DPP6: variants seen among roughly 807,000 people sequenced by gnomAD.
The protein encoded by DPP6 is dipeptidyl peptidase like 6.
A neutral mutation model predicts 122.6 loss-of-function variants in DPP6; 69 were observed. The observed-to-expected ratio is 0.56, with a 90% CI of 0.46 to 0.69. DPP6 has a LOEUF of 0.69. DPP6 is among the 30% of genes least tolerant of loss of function. The pLI is 0.00. For synonymous variants in DPP6, 418 were observed against 433.1 expected (o/e 0.97, Z 0.43); for missense variants, 928 against 1,116.9 (o/e 0.83, Z 2.41).
intron 1 of DPP6, among the ~76,000 whole-genome samples, chr7:154,016,605 T>A (rs1033076511): frequency 1.3e-5 from 2 of 151,990 alleles, no homozygotes; most frequent in Non-Finnish European, 2.9e-5. Flanking sequence ...TCTACAAAGG[T>A]TTTTGGAAAA....
chr7:154,731,815 G>A (rs1483615652), intron 8 of DPP6, among the ~76,000 whole-genome samples: 1 of 152,184 alleles, frequency 6.6e-6, no homozygotes, highest in Non-Finnish European at 1.5e-5. Flanking sequence ...AACGTAAGAT[G>A]TTACTGAAGA....
At chr7:154,771,495 T>C (rs541373686) in intron 9 of DPP6, among the ~76,000 whole-genome samples, 1 of 152,318 alleles carries the variant, frequency 6.6e-6, no homozygotes, top group South Asian at 2.1e-4. Context: ...CCTCATGACC[T>C]TGTCTAACCT....
At chr7:154,768,347 C>T (rs1796036462) in intron 8 of DPP6, among the ~76,000 whole-genome samples, 1 of 152,196 alleles carries the variant, frequency 6.6e-6, no homozygotes, top group Admixed American at 6.5e-5. Context: ...TTGATGCCCT[C>T]GTTTTGTTTT....
At chr7:153,748,181 G>A in the DPP6 span, among the ~76,000 whole-genome samples, 2 of 152,280 alleles carry the variant, frequency 1.3e-5, no homozygotes, top group African/African-American at 2.4e-5. Context: ...GTGCTAACGA[G>A]CCCGGGTGCC....
intron 1 of DPP6, among the ~76,000 whole-genome samples, chr7:153,985,588 T>G (rs577526947): frequency 6.6e-6 from 1 of 152,316 alleles, no homozygotes; most frequent in African/African-American, 2.4e-5. Context: ...AGAGTTGGGG[T>G]TTGTCATATT....
chr7:154,449,427 T>C (rs1419642182), intron 2 of DPP6, among the ~76,000 whole-genome samples: 1 of 151,932 alleles, frequency 6.6e-6, no homozygotes, highest in African/African-American at 2.4e-5. Context: ...AAACAAAAAA[T>C]GGAAAATAGT....
chr7:154,426,690 G>A (rs191693513), intron 1 of DPP6, among the ~76,000 whole-genome samples: 73 of 151,938 alleles, frequency 4.8e-4, no homozygotes, highest in African/African-American at 1.6e-3. Context: ...TAGAATTAAG[G>A]ACTTGCTGCT....
chr7:153,807,357 C>A, the DPP6 span, among the ~76,000 whole-genome samples: 1 of 151,206 alleles, frequency 6.6e-6, no homozygotes, highest in Admixed American at 6.6e-5. Context: ...GAGCCGAGAT[C>A]GTGCCACAGC....
intron 3 of DPP6, among the ~76,000 whole-genome samples, chr7:154,484,627 T>C (rs1823628753): frequency 6.6e-6 from 1 of 152,190 alleles, no homozygotes; most frequent in African/African-American, 2.4e-5. Context: ...CCCCGCCCCC[T>C]GCAGCATGTT....
intron 3 of DPP6, among the ~76,000 whole-genome samples, chr7:154,525,955 C>G (rs1827376568): frequency 6.6e-6 from 1 of 152,048 alleles, no homozygotes; most frequent in Non-Finnish European, 1.5e-5. Context: ...CTCATAATCC[C>G]AAAGAAAAGG....
At chr7:154,017,662 T>C (rs1301128406) in intron 1 of DPP6, among the ~76,000 whole-genome samples, 2 of 147,058 alleles carry the variant, frequency 1.4e-5, no homozygotes, top group South Asian at 2.1e-4. Context: ...ATGGCACCAC[T>C]GCACTCCAGC....
intron 1 of DPP6, among the ~76,000 whole-genome samples, chr7:153,962,482 T>C (rs1795402576): frequency 1.3e-5 from 2 of 152,146 alleles, no homozygotes; most frequent in African/African-American, 4.8e-5. Context: ...CAATCTAAGA[T>C]CATATGGTCA....
At chr7:154,788,300 C>T (rs527634056) in intron 10 of DPP6, among the ~76,000 whole-genome samples, 10 of 152,034 alleles carry the variant, frequency 6.6e-5, no homozygotes, top group South Asian at 4.2e-4. Context: ...AAAAATAAGC[C>T]GGGCGTGGTG....
chr7:154,246,192 C>T (rs1801972364), intron 1 of DPP6, among the ~76,000 whole-genome samples: 1 of 152,030 alleles, frequency 6.6e-6, no homozygotes, highest in South Asian at 2.1e-4. Flanking sequence ...ATATTTTAAG[C>T]TAAACTGTAA....
intron 1 of DPP6, among the ~76,000 whole-genome samples, chr7:154,428,549 T>C (rs1331095542): frequency 6.6e-6 from 1 of 152,108 alleles, no homozygotes; most frequent in Non-Finnish European, 1.5e-5. Flanking sequence ...CCTGCACGCA[T>C]AGGCTTACTG....
the DPP6 span, among the ~76,000 whole-genome samples, chr7:153,823,052 T>C: frequency 6.6e-6 from 1 of 152,034 alleles, no homozygotes; most frequent in Admixed American, 6.6e-5. Flanking sequence ...CCTCGTGCAT[T>C]GCTGCTGAAT....
intron 1 of DPP6, among the ~76,000 whole-genome samples, chr7:154,399,734 C>T (rs953861554): frequency 3.3e-5 from 5 of 151,956 alleles, no homozygotes; most frequent in Non-Finnish European, 5.9e-5. Flanking sequence ...CATGGGAGAA[C>T]GCAGGGGTGG....
chr7:154,485,792 G>A (rs1333991854), intron 3 of DPP6, among the ~76,000 whole-genome samples: 2 of 152,034 alleles, frequency 1.3e-5, no homozygotes, highest in Non-Finnish European at 2.9e-5. Context: ...CATGGAGGCA[G>A]GAATTTTTTT....
At chr7:154,252,439 A>G (rs1802411679) in intron 1 of DPP6, among the ~76,000 whole-genome samples, 1 of 152,232 alleles carries the variant, frequency 6.6e-6, no homozygotes, top group Non-Finnish European at 1.5e-5. Context: ...CACAAAGCAG[A>G]CTGACCCTTA....
Sources: allele counts gnomAD v4.1 joint callset (sites outside exome capture counted in the v4.1 genomes callset), GRCh38; gene constraint gnomAD v4.1.1; transcripts MANE v1.5; gene names NCBI Gene and HGNC (gene_info 2026-07-23, HGNC 2026-07-21).